Variants in MIS18BP1 observed in about 807,000 individuals in gnomAD.
MIS18BP1 encodes MIS18 binding protein 1, also known as mis18-binding protein 1.
A neutral mutation model predicts 116.1 loss-of-function variants in MIS18BP1; 72 were observed. The ratio of observed to expected loss-of-function variants is 0.62; its 90% CI spans 0.51 to 0.75. The LOEUF is 0.75. Ranked by LOEUF, MIS18BP1 falls within the 30% of genes least tolerant of loss-of-function variation. The probability of loss-of-function intolerance (pLI) is 0.00; values close to 1 mark genes in which losing one functional copy is unlikely to be tolerated. For missense variants in MIS18BP1, 1,363 were observed against 1,303.2 expected, an observed-to-expected ratio of 1.05 and a Z score of -0.71; for synonymous variants, 386 against 427.0, an observed-to-expected ratio of 0.90 and a Z score of 1.18.
chr14:45,204,182 A>G lies in MIS18BP1; in HGVS notation c.3326T>C (p.Leu1109Pro), dbSNP rs1890445841. The G allele has an allele frequency of 8.7e-6, 14 of 1,610,908 alleles. No homozygotes were observed. Among genetic ancestry groups the G allele is most frequent in the Non-Finnish European group, 1.2e-5 (14 of 1,178,916 alleles). ...TAAAGATTCCACAGCATTAGTGAAA[A>G]GTTTTCCAATACCAGAGTTTTCTCC... ...DLGENSGIGK[L>P]FTNAVESLDE... Residue 1109 changes from leucine to proline, a missense_variant, in exon 17 of 17, where the codon CTT becomes CCT. By Grantham distance (98) the Leu-to-Pro change is moderately conservative. Transcript: ENST00000310806.
chr14:45,249,853 G>A (rs1028499214), intron 1 of MIS18BP1, among the ~76,000 whole-genome samples: 2 of 152,180 alleles, frequency 1.3e-5, no homozygotes, highest in Non-Finnish European at 2.9e-5. Flanking sequence ...CAGCCTAGGC[G>A]ACGGAGTGAG....
chr14:45,251,536 G>T (rs1422006644), intron 1 of MIS18BP1, among the ~76,000 whole-genome samples: 3 of 152,042 alleles, frequency 2.0e-5, no homozygotes, highest in Non-Finnish European at 4.4e-5. Context: ...TATTACTATG[G>T]AATGGGTCAA....
Position 45,240,232 on chromosome 14 carries a change from G to A in MIS18BP1, c.1143+1802C>T, listed in dbSNP as rs79189835. Among the ~76,000 whole-genome samples the A allele has an allele frequency of 7.9e-5, 12 of 152,066 alleles. No individual in the cohort carries two copies. The East Asian group carries it at 2.3e-3, about 30-fold the overall frequency. On this transcript the variant is annotated intron_variant, in intron 4 of 16. Coordinates refer to ENST00000310806, the MANE Select transcript of MIS18BP1 (RefSeq NM_018353.5). ...ATCTGCAGTAATTCCAACATTTTTA[G>A]GACTGATTCTGGGGAAAGAAAGAGG...
chr14:45,231,035 T>C lies in MIS18BP1; in HGVS notation c.1594+106A>G, dbSNP rs1891258842. On this transcript the variant is annotated intron_variant, in intron 8 of 16. Coordinates refer to ENST00000310806, the MANE Select transcript of MIS18BP1 (RefSeq NM_018353.5). Reference sequence around the variant, plus strand: ...TGTGGGGGCAGTATAAGTCAAAGAATACTATACTATACACATTACTACTAT... The same window carrying C: ...TGTGGGGGCAGTATAAGTCAAAGAACACTATACTATACACATTACTACTAT... 3 of 1,149,000 alleles carry C rather than the reference T, an allele frequency of 2.6e-6. No individual in the cohort carries two copies. In the Admixed American group the frequency reaches 8.1e-5, roughly 31 times the overall value. 71.2% of individuals were successfully genotyped at this position (1,149,000 alleles called of 1,614,324 possible).
Position 45,218,357 on chromosome 14 carries a change from TG to T in MIS18BP1, c.2766del (p.Tyr922Ter). ...GATCCTTTTCCTCTGGGATTTTCCATGTATTTCCTCTGGCATTCTTCAGGAG... is the reference window on the plus strand; with the variant it reads ...GATCCTTTTCCTCTGGGATTTTCCATTATTTCCTCTGGCATTCTTCAGGAG... ...SRSPEECQRK[Y>X]MENPRGKGSQ... On this transcript the variant is annotated frameshift_variant, in exon 12 of 17. Coordinates refer to ENST00000310806, the MANE Select transcript of MIS18BP1 (RefSeq NM_018353.5). LOFTEE classifies it high-confidence loss of function. 3.7e-6 allele frequency: 6 copies of T among 1,614,110 alleles called. No individual in the cohort carries two copies. The highest frequency in any genetic ancestry group is 5.1e-6 in the Non-Finnish European group (6 of 1,180,000).
intron 11 of MIS18BP1, among the ~76,000 whole-genome samples, chr14:45,223,223 C>T (rs969797063): frequency 1.3e-5 from 2 of 152,170 alleles, no homozygotes; most frequent in African/African-American, 2.4e-5. Flanking sequence ...CCCTTCAGTG[C>T]CCACTTCTAG....
rs1216173245 is a variant in MIS18BP1, at chr14:45,210,458, G to A, written c.3074C>T (p.Pro1025Leu). The A allele has an allele frequency of 1.2e-6, 2 of 1,613,894 alleles. No homozygotes were observed. Among genetic ancestry groups the A allele is most frequent in the East Asian group, 2.2e-5 (1 of 44,844 alleles). The change falls in exon 14 of 17, where the codon CCA becomes CTA. Residue 1025 changes from proline (P) to leucine (L), a missense_variant. Physicochemically the swap from Pro to Leu is moderately conservative, Grantham distance 98. Coordinates refer to ENST00000310806, the MANE Select transcript of MIS18BP1 (RefSeq NM_018353.5). ...TACCAATGGAAAGATAACTGATGATGGAGTTGTTGGATTTTTGTCCATATT... is the reference window on the plus strand; with the variant it reads ...TACCAATGGAAAGATAACTGATGATAGAGTTGTTGGATTTTTGTCCATATT... ...LPNMDKNPTT[P>L]SSVIFPLVKT...
chr14:45,242,188 G>C lies in MIS18BP1; in HGVS notation c.989C>G (p.Thr330Arg), dbSNP rs142829097. 2 of 1,613,952 alleles carry C rather than the reference G, an allele frequency of 1.2e-6. No individual in the cohort carries two copies. Among genetic ancestry groups the C allele is most frequent in the East Asian group, 4.5e-5 (2 of 44,880 alleles). The change falls in exon 4 of 17, where the codon ACA becomes AGA. Residue 330 changes from threonine (T) to arginine (R), a missense_variant. By Grantham distance (71) the Thr-to-Arg change is moderately conservative. Transcript: ENST00000310806. ...EGNGKTVPGE[T>R]GLPGSMKDTC... ...ATCTTTCATGGAACCTGGAAGACCT[G>C]TCTCTCCAGGCACTGTTTTTCCATT...
chr14:45,235,163 C>A (rs1443763043), intron 6 of MIS18BP1, among the ~76,000 whole-genome samples: 5 of 149,510 alleles, frequency 3.3e-5, no homozygotes, highest in Non-Finnish European at 5.9e-5. Context: ...GCTGAGATCA[C>A]GCCACTACAC....
At chr14:45,210,110 G>GT (rs528816614) in intron 14 of MIS18BP1, 25,091 of 229,532 alleles carry the variant, frequency 0.11, 251 homozygotes, top group Middle Eastern at 0.16. Flanking sequence ...GGTTTCTTTA[G>GT]TTTTTTTTTT....
intron 15 of MIS18BP1, among the ~76,000 whole-genome samples, chr14:45,205,081 T>C (rs1430598897): frequency 1.3e-5 from 2 of 152,096 alleles, no homozygotes; most frequent in African/African-American, 4.8e-5. Context: ...TCCTTAAAAA[T>C]CTTTTAAAAA....
rs185296509 is a variant in MIS18BP1 at position 45,242,432 on chromosome 14, G to C, written c.745C>G (p.Gln249Glu). The change falls in exon 4 of 17, where the codon CAA (glutamine) becomes GAA (glutamate). Residue 249 changes from glutamine to glutamate, a missense_variant. Transcript: ENST00000310806. ...ATACTCTCCTTTGAGTGAAAAATTT[G>C]TTTAGCCAACTGAGCTCTAGTTAAT... ...KTLTRAQLAK[Q>E]IFHSKESIVA... 1 of 1,613,694 alleles carries C rather than the reference G, an allele frequency of 6.2e-7. No homozygotes were observed. Among genetic ancestry groups the C allele is most frequent in the East Asian group, 2.2e-5 (1 of 44,866 alleles).
At chr14:45,210,878 G>A (rs1394184510) in intron 13 of MIS18BP1, among the ~76,000 whole-genome samples, 1 of 152,138 alleles carries the variant, frequency 6.6e-6, no homozygotes, top group African/African-American at 2.4e-5. Context: ...TATAAACCCT[G>A]GGTCTGGGGG....
At chr14:45,230,651 A>C (rs1891248616) in intron 8 of MIS18BP1, among the ~76,000 whole-genome samples, 1 of 152,164 alleles carries the variant, frequency 6.6e-6, no homozygotes, top group South Asian at 2.1e-4. Context: ...ACAGTGCCTC[A>C]CTCTGATGCC....
chr14:45,246,832 C>G lies in MIS18BP1; in HGVS notation c.455G>C (p.Arg152Thr). 1 of 1,602,204 alleles carries G rather than the reference C, an allele frequency of 6.2e-7. No individual in the cohort carries two copies. The highest frequency in any genetic ancestry group is 8.5e-7 in the Non-Finnish European group (1 of 1,176,492). Residue 152 changes from arginine (R) to threonine (T), a missense_variant, in exon 2 of 17, where the codon AGA (arginine) becomes ACA (threonine). Arg to Thr is a moderately conservative substitution (Grantham distance 71, BLOSUM62 -1). Coordinates refer to ENST00000310806, the MANE Select transcript of MIS18BP1 (RefSeq NM_018353.5). ...ATGCTGCAATTTTTTTTTTTCAACT[C>G]TGTTAGGAGTGAAGGTTTCATTATT... ...SGNNETFTPNRVEKKKLQHTY... is the reference protein window; with the variant it reads ...SGNNETFTPNTVEKKKLQHTY...
At chr14:45,213,106 ATTGCCC>A (rs1890720752) in intron 13 of MIS18BP1, among the ~76,000 whole-genome samples, 1 of 152,154 alleles carries the variant, frequency 6.6e-6, no homozygotes, top group African/African-American at 2.4e-5. Flanking sequence ...GTCTCCCTAT[ATTGCCC>A]AGGCTGGTCT....
intron 14 of MIS18BP1, among the ~76,000 whole-genome samples, chr14:45,209,173 TACACAC>T (rs141735848): frequency 6.0e-5 from 9 of 150,536 alleles, no homozygotes; most frequent in Admixed American, 1.3e-4. Flanking sequence ...AAAGCAATTA[TACACAC>T]ACACACACAC....
At chr14:45,226,286 C>T (rs569290494) in intron 10 of MIS18BP1, among the ~76,000 whole-genome samples, 20 of 152,022 alleles carry the variant, frequency 1.3e-4, no homozygotes, top group African/African-American at 4.8e-4. Flanking sequence ...AAATAAAACA[C>T]AAAAAAATGC....
At position 45,247,129 on chromosome 14, in the gene MIS18BP1, AAGG is replaced by A. The variant is rs573451535; in HGVS notation, c.155_157del (p.Ser52del). 7,563 of 1,612,772 alleles carry A rather than the reference AAGG, an allele frequency of 4.7e-3. 32 individuals are homozygous for A. Among genetic ancestry groups the A allele is most frequent in the Admixed American group, 9.0e-3 (541 of 59,958 alleles). On this transcript the variant is annotated inframe_deletion, in exon 2 of 17. Transcript: ENST00000310806. ...ATTCTTTTTATGGTCATTCAATTTTAAGGAGGAGTTCTGATATTTCACCAAATC... is the reference window on the plus strand; with the variant it reads ...ATTCTTTTTATGGTCATTCAATTTTAAGGAGTTCTGATATTTCACCAAATC...
Sources: allele counts gnomAD v4.1 joint callset (sites outside exome capture counted in the v4.1 genomes callset), GRCh38; gene constraint gnomAD v4.1.1; transcripts MANE v1.5; gene names NCBI Gene and HGNC (gene_info 2026-07-23, HGNC 2026-07-21).